Variants in SGCD observed in about 807,000 individuals in gnomAD.
SGCD encodes delta-sarcoglycan.
Under a neutral mutation model 36.6 loss-of-function variants are expected in SGCD, and 18 were observed. The ratio of observed to expected loss-of-function variants is 0.49; its 90% CI spans 0.34 to 0.73. The LOEUF is 0.73. Among genes scored for constraint, SGCD ranks in the 30% least tolerant of loss-of-function variants. SGCD has a pLI of 0.01. For synonymous variants in SGCD, 133 were observed against 130.6 expected, an observed-to-expected ratio of 1.02 and a Z score of -0.12; for missense variants, 387 against 346.7, an observed-to-expected ratio of 1.12 and a Z score of -0.92.
intron 6 of SGCD, among the ~76,000 whole-genome samples, chr5:156,614,074 G>A (rs1761936103): frequency 6.6e-6 from 1 of 152,082 alleles, no homozygotes; most frequent in Admixed American, 6.5e-5. Flanking sequence ...AGCCTCCTGA[G>A]TAGCTGGGAT....
At chr5:156,124,679 A>T (rs1762127761) in intron 3 of SGCD, among the ~76,000 whole-genome samples, 1 of 152,128 alleles carries the variant, frequency 6.6e-6, no homozygotes, top group Non-Finnish European at 1.5e-5. Flanking sequence ...ATTGAATGGT[A>T]TCTCTGTGCG....
At chr5:156,500,270 C>T (rs1229755335) in intron 3 of SGCD, among the ~76,000 whole-genome samples, 1 of 152,164 alleles carries the variant, frequency 6.6e-6, no homozygotes, top group African/African-American at 2.4e-5. Flanking sequence ...TTCTGTCACT[C>T]TACAGATATT....
intron 3 of SGCD, among the ~76,000 whole-genome samples, chr5:156,308,426 G>A (rs1205890301): frequency 6.6e-6 from 1 of 151,994 alleles, no homozygotes; most frequent in Admixed American, 6.6e-5. Flanking sequence ...AGCCTCCCGA[G>A]TAGCTGGGAC....
intron 1 of SGCD, among the ~76,000 whole-genome samples, chr5:155,944,921 T>A (rs113684949): frequency 4.8e-4 from 55 of 115,768 alleles, no homozygotes; most frequent in South Asian, 2.1e-3. Context: ...CAAAAAAAAA[T>A]AATAATAATA....
intron 1 of SGCD, among the ~76,000 whole-genome samples, chr5:156,005,568 A>C (rs1425767630): frequency 1.3e-5 from 2 of 152,020 alleles, no homozygotes; most frequent in African/African-American, 4.8e-5. Flanking sequence ...CTCCTGCCTC[A>C]GCCTCCCGAG....
chr5:155,991,037 T>C (rs1463309506), intron 1 of SGCD, among the ~76,000 whole-genome samples: 2 of 152,200 alleles, frequency 1.3e-5, no homozygotes, highest in South Asian at 2.1e-4. Context: ...GGCTCAAGAA[T>C]CTGTGTTTGT....
At chr5:156,479,839 C>A (rs912010094) in intron 3 of SGCD, among the ~76,000 whole-genome samples, 2 of 152,212 alleles carry the variant, frequency 1.3e-5, no homozygotes, top group Non-Finnish European at 2.9e-5. Flanking sequence ...CTGACTGATA[C>A]AGCGAGTTTC....
At chr5:155,824,196 T>C in the SGCD span, among the ~76,000 whole-genome samples, 1 of 152,216 alleles carries the variant, frequency 6.6e-6, no homozygotes, top group East Asian at 1.9e-4. Context: ...ATTTTCAGTA[T>C]GGACTTTAGT....
chr5:155,794,598 A>C, the SGCD span, among the ~76,000 whole-genome samples: 5 of 152,086 alleles, frequency 3.3e-5, no homozygotes, highest in Non-Finnish European at 7.4e-5. Context: ...GCAATAAAAA[A>C]CCAGTAGACA....
chr5:155,999,937 G>A (rs757964068), intron 1 of SGCD, among the ~76,000 whole-genome samples: 3 of 152,120 alleles, frequency 2.0e-5, no homozygotes, highest in African/African-American at 4.8e-5. Flanking sequence ...AGATTTAAAC[G>A]TTATGAATCA....
chr5:155,733,018 T>A, the SGCD span, among the ~76,000 whole-genome samples: 1 of 19,736 alleles, frequency 5.1e-5, no homozygotes, highest in East Asian at 0.083. Flanking sequence ...ATACTCGTTT[T>A]TTTTTTTTTT....
chr5:155,836,297 G>A, the SGCD span, among the ~76,000 whole-genome samples: 1 of 152,154 alleles, frequency 6.6e-6, no homozygotes, highest in Non-Finnish European at 1.5e-5. Flanking sequence ...TGAGATATTG[G>A]CAGTCCCACT....
At chr5:156,040,678 A>C (rs1759612823) in intron 1 of SGCD, among the ~76,000 whole-genome samples, 1 of 152,192 alleles carries the variant, frequency 6.6e-6, no homozygotes. Flanking sequence ...AGTGTGCAGG[A>C]TCTCTCATCC....
intron 1 of SGCD, among the ~76,000 whole-genome samples, chr5:156,093,544 T>C (rs2127594851): frequency 6.6e-6 from 1 of 152,332 alleles, no homozygotes; most frequent in South Asian, 2.1e-4. Flanking sequence ...TGAACTCTGT[T>C]TAAACTCTCG....
intron 3 of SGCD, among the ~76,000 whole-genome samples, chr5:156,497,827 A>G (rs1266826308): frequency 2.6e-5 from 4 of 152,182 alleles, no homozygotes; most frequent in Non-Finnish European, 1.5e-5. Context: ...GCTGTGACCC[A>G]GACACTGATG....
chr5:156,285,241 A>G (rs1766562278), intron 3 of SGCD, among the ~76,000 whole-genome samples: 1 of 152,210 alleles, frequency 6.6e-6, no homozygotes, highest in Admixed American at 6.5e-5. Context: ...GAAAATGGCC[A>G]TACTGCCCAA....
intron 3 of SGCD, among the ~76,000 whole-genome samples, chr5:156,292,491 A>G (rs1376301910): frequency 6.6e-6 from 1 of 152,092 alleles, no homozygotes; most frequent in Non-Finnish European, 1.5e-5. Context: ...ATGGATACCC[A>G]CATTTGCTTA....
At chr5:156,672,745 G>C (rs911154952) in intron 7 of SGCD, among the ~76,000 whole-genome samples, 2 of 152,152 alleles carry the variant, frequency 1.3e-5, no homozygotes, top group Non-Finnish European at 2.9e-5. Context: ...GGAAAGAGCA[G>C]AGGTAGACAA....
intron 7 of SGCD, among the ~76,000 whole-genome samples, chr5:156,727,742 A>G (rs1179922593): frequency 6.6e-6 from 1 of 152,242 alleles, no homozygotes; most frequent in Non-Finnish European, 1.5e-5. Flanking sequence ...CATGAACTAA[A>G]TAAGATTATA....
Sources: allele counts gnomAD v4.1 joint callset (sites outside exome capture counted in the v4.1 genomes callset), GRCh38; gene constraint gnomAD v4.1.1; transcripts MANE v1.5; gene names NCBI Gene and HGNC (gene_info 2026-07-23, HGNC 2026-07-21).